Variants in ASTN2 observed in about 807,000 individuals in gnomAD.
ASTN2 encodes the protein astrotactin-2.
ASTN2 carries 54 observed loss-of-function variants against 139.8 expected under a neutral mutation model. The ratio of observed to expected loss-of-function variants is 0.39; its 90% CI spans 0.31 to 0.48. The LOEUF is 0.48. Among genes scored for constraint, ASTN2 ranks in the 20% least tolerant of loss-of-function variants. The probability of loss-of-function intolerance (pLI) is 0.95; values close to 1 mark genes in which losing one functional copy is unlikely to be tolerated. For synonymous variants in ASTN2, 756 were observed against 719.5 expected (o/e 1.05, Z -0.81); for missense variants, 1,565 against 1,725.1 (o/e 0.91, Z 1.64).
At chr9:117,376,737 T>TAAA (rs1830134798) in intron 1 of ASTN2, among the ~76,000 whole-genome samples, 1 of 152,168 alleles carries the variant, frequency 6.6e-6, no homozygotes, top group African/African-American at 2.4e-5. Flanking sequence ...AAATCGGGGC[T>TAAA]ATGATGTTTT....
chr9:117,247,000 C>G (rs1271723440), intron 2 of ASTN2, among the ~76,000 whole-genome samples: 3 of 152,050 alleles, frequency 2.0e-5, no homozygotes, highest in Admixed American at 2.0e-4. Context: ...GGATTTTGAA[C>G]AGAAAAGCAA....
At chr9:116,966,714 A>C (rs892005169) in intron 10 of ASTN2, among the ~76,000 whole-genome samples, 3 of 151,632 alleles carry the variant, frequency 2.0e-5, no homozygotes, top group African/African-American at 7.3e-5. Flanking sequence ...TTAAAAAAAA[A>C]AAAAAGGAGG....
chr9:116,658,693 T>C (rs1306553838), intron 16 of ASTN2, among the ~76,000 whole-genome samples: 1 of 150,790 alleles, frequency 6.6e-6, no homozygotes, highest in Non-Finnish European at 1.5e-5. Context: ...GGTAAAATAA[T>C]TCTGGAGCAA....
At chr9:117,015,273 C>G (rs894958530) in intron 6 of ASTN2, among the ~76,000 whole-genome samples, 2 of 152,136 alleles carry the variant, frequency 1.3e-5, no homozygotes, top group East Asian at 3.9e-4. Flanking sequence ...CCTGCCTTGG[C>G]CTCTCAAAGT....
At chr9:116,960,884 C>T (rs1835857509) in intron 10 of ASTN2, among the ~76,000 whole-genome samples, 1 of 152,296 alleles carries the variant, frequency 6.6e-6, no homozygotes, top group East Asian at 1.9e-4. Context: ...GACTCAGCCC[C>T]CAGAACCTGT....
chr9:116,879,327 A>T (rs1250469546), intron 10 of ASTN2, among the ~76,000 whole-genome samples: 4 of 148,848 alleles, frequency 2.7e-5, no homozygotes, highest in Non-Finnish European at 5.9e-5. Flanking sequence ...GTGAAAATGC[A>T]AGACTGGAGA....
At chr9:117,071,010 C>T (rs1384693574) in intron 5 of ASTN2, among the ~76,000 whole-genome samples, 67 of 148,794 alleles carry the variant, frequency 4.5e-4, no homozygotes, top group African/African-American at 1.5e-3. Context: ...TCTCTCAGCT[C>T]GTCAAAGTCA....
rs10983296 is a variant in ASTN2, at chr9:116,662,751, A to G, written c.2807-10958T>C. Among the ~76,000 whole-genome samples the G allele has an allele frequency of 0.019, 2,907 of 152,300 alleles. 400 individuals carry two copies. In the South Asian group the frequency reaches 0.29, roughly 15 times the overall value. On this transcript the variant is annotated intron_variant, in intron 16 of 22. Transcript: ENST00000313400. ...GTGCTTGGTAAAGGGAGAAGACAGA[A>G]AAGAAAATCATATTTCCCAATCTTC...
chr9:116,446,221 C>CAGAGAG lies in ASTN2; in HGVS notation c.3498-3674_3498-3669dup, dbSNP rs200714023. ...AGAGTGAAAGAGGGAGAGCCAGGGA[C>CAGAGAG]AGAGAGAGACAGAGACAGAGACAGA... is the stretch of plus-strand genomic sequence containing the variant. On this transcript the variant is annotated intron_variant, in intron 20 of 22. Transcript: ENST00000313400. Among the ~76,000 whole-genome samples the CAGAGAG allele has an allele frequency of 7.0e-3, 947 of 136,088 alleles. 5 individuals carry two copies. Among genetic ancestry groups the CAGAGAG allele is most frequent in the Non-Finnish European group, 0.012 (765 of 64,682 alleles). 89.3% of individuals were successfully genotyped at this position (136,088 alleles called of 152,430 possible). A position where few individuals can be genotyped will look rare whatever the true frequency, so the allele number is the denominator to read the frequency against.
rs144013519 is a variant in ASTN2, at chr9:116,430,622, T to C, written c.3783-4534A>G. On this transcript the variant is annotated intron_variant, in intron 22 of 22. Transcript: ENST00000313400. The stretch of plus-strand genomic sequence containing the variant: ...ACTTCACCTCCCTAAGCCTCAGTTT[T>C]CTCCTGTGTAAATGAAAATAGAAAT... 3.8e-3 allele frequency among the ~76,000 whole-genome samples: 575 copies of C among 152,336 alleles called. 4 individuals carry two copies. Among genetic ancestry groups the C allele is most frequent in the African/African-American group, 0.013 (549 of 41,572 alleles).
intron 17 of ASTN2, among the ~76,000 whole-genome samples, chr9:116,649,556 AAG>A (rs1857789710): frequency 1.4e-5 from 2 of 140,694 alleles, no homozygotes; most frequent in African/African-American, 5.3e-5. Context: ...CCTGGGCAAC[AAG>A]AACAAAACTG....
At chr9:116,756,470 T>C (rs1829534734) in intron 13 of ASTN2, among the ~76,000 whole-genome samples, 1 of 152,188 alleles carries the variant, frequency 6.6e-6, no homozygotes, top group South Asian at 2.1e-4. Flanking sequence ...CAATAAGTAA[T>C]ATTAATGATT....
intron 4 of ASTN2, among the ~76,000 whole-genome samples, chr9:117,134,337 C>T (rs900653208): frequency 1.7e-5 from 2 of 114,798 alleles, no homozygotes; most frequent in African/African-American, 3.2e-5. Context: ...CACACACACA[C>T]ACGCCTGTGT....
intron 16 of ASTN2, among the ~76,000 whole-genome samples, chr9:116,671,584 G>A (rs1430766866): frequency 6.6e-6 from 1 of 152,124 alleles, no homozygotes; most frequent in Non-Finnish European, 1.5e-5. Context: ...CTCCACTTGA[G>A]TTACTTGCTC....
chr9:116,628,592 G>A (rs1315917827), intron 17 of ASTN2, among the ~76,000 whole-genome samples: 3 of 152,144 alleles, frequency 2.0e-5, no homozygotes, highest in Non-Finnish European at 4.4e-5. Context: ...GGATGAATAA[G>A]CAGAGCACAA....
chr9:117,278,460 A>C (rs1345537340), intron 2 of ASTN2, among the ~76,000 whole-genome samples: 3 of 152,326 alleles, frequency 2.0e-5, no homozygotes, highest in Middle Eastern at 3.4e-3. Flanking sequence ...ACTTGACTTA[A>C]AATTCAGCAC....
At chr9:117,280,818 A>C (rs2133143193) in intron 2 of ASTN2, among the ~76,000 whole-genome samples, 1 of 152,252 alleles carries the variant, frequency 6.6e-6, no homozygotes, top group South Asian at 2.1e-4. Context: ...GTAATTAATA[A>C]ATGTCTTGGG....
intron 11 of ASTN2, among the ~76,000 whole-genome samples, chr9:116,833,737 A>G (rs1181974363): frequency 4.6e-5 from 7 of 152,138 alleles, no homozygotes; most frequent in South Asian, 2.1e-4. Flanking sequence ...TTTTTCTGTT[A>G]TATCTATTAT....
intron 5 of ASTN2, among the ~76,000 whole-genome samples, chr9:117,086,468 G>A (rs1828564482): frequency 6.6e-6 from 1 of 152,160 alleles, no homozygotes; most frequent in Non-Finnish European, 1.5e-5. Context: ...CAGCTACTTG[G>A]GAGGCTGAGG....
Sources: gnomAD v4.1 joint callset for allele counts (sites outside exome capture counted in the v4.1 genomes callset) on GRCh38, gnomAD v4.1.1 for gene constraint, MANE v1.5 for transcripts, NCBI Gene and HGNC (gene_info 2026-07-23, HGNC 2026-07-21) for gene names.